Variants in RASGRF2 observed in about 807,000 individuals in gnomAD.
RASGRF2 encodes the protein ras-specific guanine nucleotide-releasing factor 2.
Under a neutral mutation model 151.0 loss-of-function variants are expected in RASGRF2, and 76 were observed. The observed-to-expected ratio is 0.50, with a 90% CI of 0.42 to 0.61. The LOEUF (loss-of-function observed/expected upper bound fraction) is 0.61. RASGRF2 is among the 20% of genes least tolerant of loss of function. The probability of loss-of-function intolerance (pLI) is 0.00; values close to 1 mark genes in which losing one functional copy is unlikely to be tolerated. For synonymous variants in RASGRF2, 504 were observed against 566.5 expected (o/e 0.89, Z 1.57); for missense variants, 1,148 against 1,564.6 (o/e 0.73, Z 4.49).
intron 1 of RASGRF2, among the ~76,000 whole-genome samples, chr5:81,039,033 T>G (rs1750598845): frequency 2.0e-5 from 3 of 152,204 alleles, no homozygotes; most frequent in Non-Finnish European, 2.9e-5. Flanking sequence ...GATTTGGGCT[T>G]TGTGTCTTGT....
At chr5:81,007,577 C>T (rs561046779) in intron 1 of RASGRF2, among the ~76,000 whole-genome samples, 8 of 152,212 alleles carry the variant, frequency 5.3e-5, no homozygotes, top group Non-Finnish European at 7.4e-5. Context: ...TATACTCCCT[C>T]GCTTTCTTTT....
At position 81,150,441 on chromosome 5, in the gene RASGRF2, T is replaced by C. The variant is rs536969945; in HGVS notation, c.2686+23278T>C. 4.6e-5 allele frequency among the ~76,000 whole-genome samples: 7 copies of C among 151,356 alleles called. No individual in the cohort carries two copies. In the South Asian group the frequency reaches 1.4e-3, roughly 31 times the overall value. The stretch of plus-strand genomic sequence containing the variant: ...GTGTTCAATGAATATTTTCTGCTGT[T>C]ATTATTGGCTGTTTCCTCCACTTGA... On this transcript the variant is annotated intron_variant, in intron 17 of 26. Transcript: ENST00000265080.
intron 1 of RASGRF2, among the ~76,000 whole-genome samples, chr5:80,963,384 G>A (rs968727057): frequency 6.6e-6 from 1 of 152,200 alleles, no homozygotes; most frequent in African/African-American, 2.4e-5. Context: ...GTGAGGCAGA[G>A]TCATTTTTCT....
At chr5:81,028,126 A>T (rs1344080149) in intron 1 of RASGRF2, among the ~76,000 whole-genome samples, 1 of 151,942 alleles carries the variant, frequency 6.6e-6, no homozygotes, top group Non-Finnish European at 1.5e-5. Flanking sequence ...AATTGGAGGG[A>T]AATCTTCCCA....
At chr5:80,979,403 T>A (rs1461702851) in intron 1 of RASGRF2, among the ~76,000 whole-genome samples, 1 of 152,184 alleles carries the variant, frequency 6.6e-6, no homozygotes, top group East Asian at 1.9e-4. Context: ...TTAAAGTGCC[T>A]AGGGTTGTTA....
At chr5:81,154,029 A>G (rs2112625299) in intron 17 of RASGRF2, among the ~76,000 whole-genome samples, 1 of 152,210 alleles carries the variant, frequency 6.6e-6, no homozygotes, top group Non-Finnish European at 1.5e-5. Flanking sequence ...TTATAAATAT[A>G]TGCATCTAAC....
intron 8 of RASGRF2, 105 bp from the exon 9 acceptor site, chr5:81,086,730 G>C (rs763728025): frequency 4.0e-5 from 36 of 901,286 alleles, no homozygotes; most frequent in African/African-American, 6.7e-5. Context: ...CGGTTCAATC[G>C]ATACAAGCTT....
At position 81,207,365 on chromosome 5, in the gene RASGRF2, C is replaced by A. The variant is rs375532264; in HGVS notation, c.3071+16C>A. The A allele has an allele frequency of 6.2e-6, 10 of 1,603,982 alleles. No homozygotes were observed. Among genetic ancestry groups the A allele is most frequent in the Middle Eastern group, 1.7e-4 (1 of 6,042 alleles). ...TTCCCTACGAGTGAGTGCCACCCCC[C>A]ACAGCAGCAGGGCTCGGCTGCTCTA... On this transcript the variant is annotated intron_variant, in intron 21 of 26. Transcript: ENST00000265080.
At chr5:81,192,283 G>T (rs565162145) in intron 18 of RASGRF2, among the ~76,000 whole-genome samples, 1 of 152,306 alleles carries the variant, frequency 6.6e-6, no homozygotes, top group African/African-American at 2.4e-5. Context: ...AGAACCTACT[G>T]AGTAGTTAAT....
intron 9 of RASGRF2, among the ~76,000 whole-genome samples, chr5:81,091,389 G>T (rs1005413760): frequency 6.6e-6 from 1 of 151,934 alleles, no homozygotes; most frequent in African/African-American, 2.4e-5. Flanking sequence ...CCATCCCTTC[G>T]TGGGAGTCAA....
chr5:81,024,129 C>G (rs1365612780), intron 1 of RASGRF2, among the ~76,000 whole-genome samples: 1 of 151,984 alleles, frequency 6.6e-6, no homozygotes, highest in Non-Finnish European at 1.5e-5. Context: ...TAGGCATGGC[C>G]CAGAGTCCTC....
chr5:81,152,232 C>T (rs866040625), intron 17 of RASGRF2, among the ~76,000 whole-genome samples: 20 of 152,216 alleles, frequency 1.3e-4, no homozygotes, highest in Admixed American at 6.5e-4. Context: ...GAACTCCTGA[C>T]CTCAAGTGAT....
At chr5:81,135,967 T>A (rs1753743464) in intron 17 of RASGRF2, among the ~76,000 whole-genome samples, 1 of 152,192 alleles carries the variant, frequency 6.6e-6, no homozygotes, top group Admixed American at 6.5e-5. Context: ...AATATTACTG[T>A]GAGTTATTTT....
rs368800371 is a variant in RASGRF2, at chr5:81,070,551, C to T, written c.603C>T (p.Asp201=). ...GACCTTACCAAAGCAACCAAGAAGA[C>T]GAAGATCCAGACATCAAGAAGATTA... ...RMRPYQSNQE[D]EDPDIKKIKK... Residue 201 remains aspartate, a synonymous_variant, in exon 4 of 27, where the codon GAC becomes GAT. Transcript: ENST00000265080. The T allele has an allele frequency of 2.7e-5, 43 of 1,610,252 alleles. No homozygotes were observed. Among genetic ancestry groups the T allele is most frequent in the Non-Finnish European group, 3.4e-5 (40 of 1,176,678 alleles).
At chr5:80,999,096 A>C (rs1160608996) in intron 1 of RASGRF2, among the ~76,000 whole-genome samples, 1 of 152,096 alleles carries the variant, frequency 6.6e-6, no homozygotes, top group African/African-American at 2.4e-5. Context: ...TGAGGGTGCC[A>C]CTGGCTTCCT....
intron 18 of RASGRF2, among the ~76,000 whole-genome samples, chr5:81,194,145 A>T (rs1755209012): frequency 6.6e-6 from 1 of 150,478 alleles, no homozygotes; most frequent in Admixed American, 6.6e-5. Flanking sequence ...GGAGTTGGAG[A>T]CCAGCCTGGG....
At chr5:81,214,433 C>T (rs1004150245) in intron 23 of RASGRF2, among the ~76,000 whole-genome samples, 4 of 152,216 alleles carry the variant, frequency 2.6e-5, no homozygotes, top group Admixed American at 2.0e-4. Context: ...ATCCGCTGTA[C>T]AGCTGTCCCT....
chr5:81,012,247 A>G (rs1368313231), intron 1 of RASGRF2, among the ~76,000 whole-genome samples: 1 of 152,124 alleles, frequency 6.6e-6, no homozygotes, highest in Admixed American at 6.5e-5. Flanking sequence ...TTACTTGGGT[A>G]TGATGCTATC....
At chr5:81,223,724 T>C (rs942598509) in intron 26 of RASGRF2, among the ~76,000 whole-genome samples, 2 of 151,580 alleles carry the variant, frequency 1.3e-5, no homozygotes, top group African/African-American at 2.4e-5. Context: ...GTGTGTTTAG[T>C]CTACCTGAAA....
Sources: allele counts gnomAD v4.1 joint callset (sites outside exome capture counted in the v4.1 genomes callset), GRCh38; gene constraint gnomAD v4.1.1; transcripts MANE v1.5; gene names NCBI Gene and HGNC (gene_info 2026-07-23, HGNC 2026-07-21).